Variants in LCA5 observed in about 807,000 individuals in gnomAD.
The protein encoded by LCA5 is lebercilin LCA5.
In LCA5, 37 loss-of-function variants were observed where a neutral mutation model predicts 53.0. The ratio of observed to expected loss-of-function variants is 0.70; its 90% confidence interval spans 0.54 to 0.92. LCA5 has a LOEUF of 0.92. LCA5 is among the 40% of genes least tolerant of loss of function. LCA5 has a pLI of 0.00. For missense variants in LCA5, 806 were observed against 790.5 expected (o/e 1.02, Z -0.23); for synonymous variants, 303 against 282.9 (o/e 1.07, Z -0.71).
intron 1 of LCA5, among the ~76,000 whole-genome samples, chr6:79,526,771 T>C (rs1030337346): frequency 6.6e-6 from 1 of 152,084 alleles, no homozygotes; most frequent in Non-Finnish European, 1.5e-5. Context: ...TCTTAAAAAC[T>C]AAAATGCCCG....
At chr6:79,488,783 G>A (rs1769748834) in intron 7 of LCA5, 1 of 487,222 alleles carries the variant, frequency 2.1e-6, no homozygotes, top group Non-Finnish European at 3.5e-6. Flanking sequence ...AACACCACAA[G>A]TATAGTAACT....
At chr6:79,517,248 G>C (rs973058173) in intron 2 of LCA5, among the ~76,000 whole-genome samples, 14 of 151,978 alleles carry the variant, frequency 9.2e-5, no homozygotes, top group Non-Finnish European at 2.1e-4. Context: ...GGAAATAATT[G>C]AAATTTTCTG....
At chr6:79,529,518 G>A (rs1463562034) in intron 1 of LCA5, among the ~76,000 whole-genome samples, 1 of 152,066 alleles carries the variant, frequency 6.6e-6, no homozygotes, top group Non-Finnish European at 1.5e-5. Context: ...AGAGAGGAAG[G>A]AGATGGGGTA....
chr6:79,495,392 G>C (rs1249682947), intron 3 of LCA5, among the ~76,000 whole-genome samples: 1 of 152,052 alleles, frequency 6.6e-6, no homozygotes, highest in Non-Finnish European at 1.5e-5. Flanking sequence ...TTGGTTCCAG[G>C]ACTCCTGTGG....
intron 5 of LCA5, among the ~76,000 whole-genome samples, chr6:79,492,112 T>C (rs1769861171): frequency 6.6e-6 from 1 of 151,934 alleles, no homozygotes; most frequent in Non-Finnish European, 1.5e-5. Flanking sequence ...CAAATAACAA[T>C]ACAAAATATT....
chr6:79,513,448 A>G lies in LCA5; in HGVS notation c.484T>C (p.Phe162Leu), dbSNP rs533963525. ...DAENEISQLI[F>L]RHNNEITALK... ...GCTGTAATCTCATTGTTATGACGAA[A>G]TATAAGTTGTGAGATTTCATTTTCG... Residue 162 changes from phenylalanine (F) to leucine (L), a missense_variant, in exon 3 of 8, where the codon TTT becomes CTT. Phe to Leu is a conservative substitution (Grantham distance 22). Transcript: ENST00000369846. 71 of 1,613,950 alleles carry G rather than the reference A, an allele frequency of 4.4e-5. No individual in the cohort carries two copies. In the South Asian group the frequency reaches 6.8e-4, roughly 15 times the overall value.
Position 79,528,271 on chromosome 6 carries a change from C to T in LCA5, c.-192+8894G>A, listed in dbSNP as rs576874308. On this transcript the variant is annotated intron_variant, in intron 1 of 7. Coordinates refer to ENST00000369846, the MANE Select transcript of LCA5 (RefSeq NM_001122769.3). ...CCTCGTTCTCTATAGGGAATATAAA[C>T]CACCCCTCTTGTCTCTCTAGGTGGG... Among the ~76,000 whole-genome samples, 18 of 152,248 alleles carry T rather than the reference C, an allele frequency of 1.2e-4. No homozygotes were observed. The East Asian group carries it at 3.5e-3, about 29-fold the overall frequency.
intron 1 of LCA5, among the ~76,000 whole-genome samples, chr6:79,531,025 T>C (rs1422640788): frequency 6.6e-6 from 1 of 152,160 alleles, no homozygotes; most frequent in Non-Finnish European, 1.5e-5. Context: ...ATCAAGTCTT[T>C]CCTTTGCAAA....
At chr6:79,493,878 T>C in intron 3 of LCA5, 128 bp from the exon 4 acceptor site, 1 of 664,840 alleles carries the variant, frequency 1.5e-6, no homozygotes. Context: ...CTGGGCATAG[T>C]ATTCATGTAC....
intron 1 of LCA5, among the ~76,000 whole-genome samples, chr6:79,536,766 T>C (rs1193535193): frequency 6.6e-6 from 1 of 152,166 alleles, no homozygotes; most frequent in Admixed American, 6.5e-5. Flanking sequence ...TCTCTAGTCT[T>C]GAGTCTCCAC....
rs572580888 is a variant in LCA5 at position 79,513,681 on chromosome 6, C to G, written c.251G>C (p.Arg84Pro). ...PNRKGVRVGF[R>P]SQSLNREPLR... ...TGGCTCTCTATTGAGGCTCTGGGAG[C>G]GAAATCCCACTCGGACTCCCTTTCT... Residue 84 changes from arginine to proline, a missense_variant, in exon 3 of 8, where the codon CGC becomes CCC. Coordinates refer to ENST00000369846, the MANE Select transcript of LCA5 (RefSeq NM_001122769.3). 4 of 1,613,650 alleles carry G rather than the reference C, an allele frequency of 2.5e-6. No individual in the cohort carries two copies. The highest frequency in any genetic ancestry group is 3.4e-6 in the Non-Finnish European group (4 of 1,179,752).
intron 3 of LCA5, among the ~76,000 whole-genome samples, chr6:79,502,601 AAAAC>A (rs1057005872): frequency 1.3e-5 from 2 of 152,206 alleles, no homozygotes; most frequent in African/African-American, 4.8e-5. Flanking sequence ...AGACTTTGAA[AAAAC>A]AATTAGTATC....
chr6:79,532,890 T>C (rs1013576048), intron 1 of LCA5, among the ~76,000 whole-genome samples: 5 of 152,178 alleles, frequency 3.3e-5, no homozygotes, highest in African/African-American at 1.2e-4. Context: ...GTGAAATGAA[T>C]GATTATAATG....
intron 1 of LCA5, among the ~76,000 whole-genome samples, chr6:79,536,337 C>T (rs1562117248): frequency 6.6e-6 from 1 of 152,174 alleles, no homozygotes; most frequent in Non-Finnish European, 1.5e-5. Context: ...ATGATGACTT[C>T]TGATTGCAAA....
intron 3 of LCA5, among the ~76,000 whole-genome samples, chr6:79,505,306 CATAA>C (rs1179472800): frequency 1.3e-5 from 2 of 152,000 alleles, no homozygotes; most frequent in African/African-American, 4.8e-5. Flanking sequence ...TAAAAATATA[CATAA>C]ATAATAAAAT....
intron 3 of LCA5, among the ~76,000 whole-genome samples, chr6:79,510,537 G>A (rs1254927006): frequency 1.3e-5 from 2 of 152,126 alleles, no homozygotes; most frequent in African/African-American, 2.4e-5. Flanking sequence ...GATAGGTGAC[G>A]TGTTAGACTT....
rs1239516074 is a variant in LCA5 at position 79,513,224 on chromosome 6, C to T, written c.708G>A (p.Glu236=). 1 of 1,613,170 alleles carries T rather than the reference C, an allele frequency of 6.2e-7. No individual in the cohort carries two copies. Among genetic ancestry groups the T allele is most frequent in the East Asian group, 2.2e-5 (1 of 44,858 alleles). Residue 236 remains glutamate, a synonymous_variant, in exon 3 of 8, where the codon GAG becomes GAA. Coordinates refer to ENST00000369846, the MANE Select transcript of LCA5 (RefSeq NM_001122769.3). ...VSAELKLDDT[E]RRIKELSKNL... ...GTAGAAATTGTACCTTAATTCTTCTCTCGGTGTCATCTAACTTTAACTCTG... is the reference window on the plus strand; with the variant it reads ...GTAGAAATTGTACCTTAATTCTTCTTTCGGTGTCATCTAACTTTAACTCTG...
intron 1 of LCA5, among the ~76,000 whole-genome samples, chr6:79,531,020 G>A (rs1766943201): frequency 6.6e-6 from 1 of 152,090 alleles, no homozygotes; most frequent in Non-Finnish European, 1.5e-5. Flanking sequence ...AGGAAATCAA[G>A]TCTTTCCTTT....
intron 3 of LCA5, among the ~76,000 whole-genome samples, chr6:79,500,851 T>C (rs559490092): frequency 6.6e-6 from 1 of 152,306 alleles, no homozygotes; most frequent in East Asian, 1.9e-4. Flanking sequence ...TTTCTATGAT[T>C]CTGTGTTTCT....
Sources: gnomAD v4.1 joint callset for allele counts (sites outside exome capture counted in the v4.1 genomes callset) on GRCh38, gnomAD v4.1.1 for gene constraint, MANE v1.5 for transcripts, NCBI Gene and HGNC (gene_info 2026-07-23, HGNC 2026-07-21) for gene names.